The following CTNND2 variants were observed in gnomAD, a reference collection of about 807,000 sequenced individuals.
The protein encoded by CTNND2 is catenin delta-2.
In CTNND2, 22 loss-of-function variants were observed where a neutral mutation model predicts 144.4. The observed-to-expected ratio is 0.15, with a 90% CI of 0.11 to 0.22. The LOEUF (loss-of-function observed/expected upper bound fraction) is 0.22, where lower values mean the gene tolerates loss of function less well. CTNND2 is among the 10% of genes least tolerant of loss of function. The probability of loss-of-function intolerance (pLI) is 1.00; values close to 1 mark genes in which losing one functional copy is unlikely to be tolerated. For missense variants in CTNND2, 1,353 were observed against 1,618.8 expected (o/e 0.84, Z 2.82); for synonymous variants, 751 against 695.6 (o/e 1.08, Z -1.25).
At chr5:11,203,843 C>T (rs1195554303) in intron 10 of CTNND2, among the ~76,000 whole-genome samples, 2 of 152,206 alleles carry the variant, frequency 1.3e-5, no homozygotes, top group African/African-American at 4.8e-5. Context: ...TGTTGAATTA[C>T]ATACGGGGAA....
At chr5:11,395,067 A>G (rs774703374) in intron 6 of CTNND2, among the ~76,000 whole-genome samples, 3 of 152,216 alleles carry the variant, frequency 2.0e-5, no homozygotes, top group Non-Finnish European at 4.4e-5. Context: ...TTTCACACGG[A>G]TCAGAATTTT....
rs138945364 is a variant in CTNND2 at position 11,482,584 on chromosome 5, G to A, written c.288-70515C>T. 5.9e-4 allele frequency among the ~76,000 whole-genome samples: 90 copies of A among 152,160 alleles called. 1 individual carries two copies. The highest frequency in any genetic ancestry group is 2.0e-3 in the African/African-American group (83 of 41,510). ...AAGCAGACTCCTGAGAAGGACACAC[G>A]GCACCTCAGAGAGCAGCGTGCTAGA... On this transcript the variant is annotated intron_variant, in intron 3 of 21. Transcript: ENST00000304623.
chr5:11,093,044 C>A (rs1290247146), intron 15 of CTNND2, among the ~76,000 whole-genome samples: 1 of 152,160 alleles, frequency 6.6e-6, no homozygotes, highest in Non-Finnish European at 1.5e-5. Context: ...TTCACTAAGT[C>A]CATGTTGCTA....
chr5:11,384,683 T>A lies in CTNND2; in HGVS notation c.1159A>T (p.Arg387Trp), dbSNP rs771229269. ...QELYATATLQRPGSLAAGSRA... is the reference protein window; with the variant it reads ...QELYATATLQWPGSLAAGSRA... ...CCTTTACCTGCCAGGCTGCCCGGCC[T>A]CTGGAGGGTGGCCGTGGCATACAGC... Residue 387 changes from arginine (R) to tryptophan (W), a missense_variant, in exon 7 of 22, where the codon AGG (arginine) becomes TGG (tryptophan). Coordinates refer to ENST00000304623, the MANE Select transcript of CTNND2 (RefSeq NM_001332.4). The surrounding 1 kb of genome is among the most constrained non-coding windows in gnomAD (Gnocchi z 5.2). 10 of 1,605,460 alleles carry A rather than the reference T, an allele frequency of 6.2e-6. No individual in the cohort carries two copies. Among genetic ancestry groups the A allele is most frequent in the Non-Finnish European group, 6.8e-6 (8 of 1,178,628 alleles).
intron 3 of CTNND2, among the ~76,000 whole-genome samples, chr5:11,548,335 A>G (rs1375052463): frequency 6.6e-6 from 1 of 152,240 alleles, no homozygotes; most frequent in Non-Finnish European, 1.5e-5. Flanking sequence ...TTACTGGTCA[A>G]ATTCTACTTC....
intron 12 of CTNND2, among the ~76,000 whole-genome samples, chr5:11,158,462 G>A (rs1758437174): frequency 6.6e-6 from 1 of 152,096 alleles, no homozygotes; most frequent in African/African-American, 2.4e-5. Context: ...TCATGATTTC[G>A]TGACTCAGAC....
At chr5:11,119,042 C>A (rs1253968895) in intron 12 of CTNND2, among the ~76,000 whole-genome samples, 2 of 151,994 alleles carry the variant, frequency 1.3e-5, no homozygotes, top group African/African-American at 4.8e-5. Flanking sequence ...TGGCTGTGAC[C>A]TCATTACTGC....
At chr5:11,282,412 C>G (rs1049992511) in intron 9 of CTNND2, among the ~76,000 whole-genome samples, 2 of 152,172 alleles carry the variant, frequency 1.3e-5, no homozygotes, top group African/African-American at 4.8e-5. Flanking sequence ...GCATCAGCAA[C>G]TGATTTCAAA....
At chr5:11,688,545 C>A (rs1021074644) in intron 2 of CTNND2, among the ~76,000 whole-genome samples, 8 of 152,212 alleles carry the variant, frequency 5.3e-5, no homozygotes, top group African/African-American at 1.9e-4. Flanking sequence ...AAGATTCTTT[C>A]ATTTTACAAT....
Position 11,332,483 on chromosome 5 carries a change from T to C in CTNND2, c.1628+13889A>G, listed in dbSNP as rs78293409. ...CTTCCTTCTATTTATGATGGTAAAATATACATAACATAAAATTTACAATTT... is the reference window on the plus strand; with the variant it reads ...CTTCCTTCTATTTATGATGGTAAAACATACATAACATAAAATTTACAATTT... On this transcript the variant is annotated intron_variant, in intron 9 of 21. Transcript: ENST00000304623. 2.7e-3 allele frequency among the ~76,000 whole-genome samples: 417 copies of C among 152,170 alleles called. 2 individuals are homozygous for C. Among genetic ancestry groups the C allele is most frequent in the African/African-American group, 9.2e-3 (382 of 41,510 alleles).
intron 14 of CTNND2, among the ~76,000 whole-genome samples, chr5:11,105,905 G>A (rs1045412694): frequency 6.6e-6 from 1 of 152,206 alleles, no homozygotes; most frequent in African/African-American, 2.4e-5. Flanking sequence ...AGAGGAACGG[G>A]CGGCAGCTGA....
intron 7 of CTNND2, among the ~76,000 whole-genome samples, chr5:11,383,794 G>A (rs1561311558): frequency 6.6e-6 from 1 of 152,128 alleles, no homozygotes; most frequent in South Asian, 2.1e-4. Context: ...AATAAATCCG[G>A]GTTAGTTGTC....
rs143346766 is a variant in CTNND2, at chr5:11,260,691, T to A, written c.1629-23868A>T. Among the ~76,000 whole-genome samples the A allele has an allele frequency of 2.6e-3, 399 of 152,202 alleles. 2 individuals are homozygous for A. Among genetic ancestry groups the A allele is most frequent in the African/African-American group, 9.1e-3 (377 of 41,518 alleles). On this transcript the variant is annotated intron_variant, in intron 9 of 21. Transcript: ENST00000304623. ...CATTAATCTATAAGCCAGTCACCAC[T>A]CAAAGGTCCCACCTCTCAACAAGAT...
intron 12 of CTNND2, among the ~76,000 whole-genome samples, chr5:11,120,716 T>C (rs10462581): frequency 2.3e-5 from 2 of 88,058 alleles, no homozygotes; most frequent in African/African-American, 4.0e-5. Context: ...CTTCAAGAGG[T>C]GGTTATCATA....
At chr5:11,133,959 C>T (rs1755869095) in intron 12 of CTNND2, among the ~76,000 whole-genome samples, 2 of 152,154 alleles carry the variant, frequency 1.3e-5, no homozygotes, top group South Asian at 2.1e-4. Flanking sequence ...GGTCGCTCAA[C>T]CAAATACTAA....
chr5:11,271,868 A>T (rs1044176624), intron 9 of CTNND2, among the ~76,000 whole-genome samples: 3 of 152,156 alleles, frequency 2.0e-5, no homozygotes, highest in Non-Finnish European at 4.4e-5. Flanking sequence ...TAACATAAGG[A>T]GAAAACAACT....
At chr5:11,854,882 T>C (rs1443377457) in intron 1 of CTNND2, among the ~76,000 whole-genome samples, 2 of 152,224 alleles carry the variant, frequency 1.3e-5, no homozygotes, top group Middle Eastern at 3.2e-3. Flanking sequence ...CCAAATATGA[T>C]GATGCCTGTA....
rs759309910 is a variant in CTNND2 at position 10,973,596 on chromosome 5, G to C, written c.3535C>G (p.Arg1179Gly). Residue 1179 changes from arginine (R) to glycine (G), a missense_variant, in exon 22 of 22, where the codon CGC becomes GGC. Around this residue, in one of 4 missense-constraint regions of CTNND2, gnomAD observed 459 missense variants for 674.3 expected, o/e 0.68. Transcript: ENST00000304623. The surrounding 1 kb of genome is among the most constrained non-coding windows in gnomAD (Gnocchi z 5.6). Reference sequence around the variant, plus strand: ...ATGGTGTACTCGCTGGCGGGAGGGCGATGGTGGACCTGGTCCTCGAAGAAG... The same window carrying C: ...ATGGTGTACTCGCTGGCGGGAGGGCCATGGTGGACCTGGTCCTCGAAGAAG... The part of the protein sequence containing the change: ...ESFFEDQVHH[R>G]PPASEYTMHL... The C allele has an allele frequency of 6.2e-7, 1 of 1,614,178 alleles. No individual in the cohort carries two copies. The highest frequency in any genetic ancestry group is 2.2e-5 in the East Asian group (1 of 44,870).
intron 1 of CTNND2, among the ~76,000 whole-genome samples, chr5:11,875,439 A>G (rs1195893186): frequency 6.6e-6 from 1 of 152,246 alleles, no homozygotes; most frequent in Non-Finnish European, 1.5e-5. Context: ...ATTAATGAAT[A>G]TAATGGACTG....
Sources: gnomAD v4.1 joint callset for allele counts (sites outside exome capture counted in the v4.1 genomes callset) on GRCh38, gnomAD v4.1.1 for gene constraint, gnomAD v4.1.1 regional missense constraint, Gnocchi (gnomAD v3.1) non-coding constraint, MANE v1.5 for transcripts, NCBI Gene and HGNC (gene_info 2026-07-23, HGNC 2026-07-21) for gene names.